Variants in ANO2 observed in about 807,000 individuals in gnomAD.
The protein encoded by ANO2 is anoctamin 2.
In ANO2, 101 loss-of-function variants were observed where a neutral mutation model predicts 124.2. That is an observed-to-expected ratio of 0.81 (90% CI 0.69 to 0.96). ANO2 has a LOEUF of 0.96. ANO2 is among the 40% of genes least tolerant of loss of function. The pLI, the probability that ANO2 is intolerant of heterozygous loss-of-function variation, is 0.00. For missense variants in ANO2, 1,293 were observed against 1,274.5 expected (o/e 1.01, Z -0.22); for synonymous variants, 486 against 482.5 (o/e 1.01, Z -0.09).
At chr12:5,897,161 A>T (rs1939848492) in intron 3 of ANO2, among the ~76,000 whole-genome samples, 2 of 152,126 alleles carry the variant, frequency 1.3e-5, no homozygotes, top group South Asian at 2.1e-4. Flanking sequence ...AATAAATAAA[A>T]AAGAATTCAT....
At chr12:5,796,400 GCACA>G (rs538831811) in intron 10 of ANO2, among the ~76,000 whole-genome samples, 113 of 147,622 alleles carry the variant, frequency 7.7e-4, no homozygotes, top group African/African-American at 2.7e-3. Context: ...ATATTCTCTG[GCACA>G]CACACACACT....
At chr12:5,839,992 C>A (rs1442581861) in intron 4 of ANO2, among the ~76,000 whole-genome samples, 1 of 152,146 alleles carries the variant, frequency 6.6e-6, no homozygotes, top group Non-Finnish European at 1.5e-5. Context: ...CTGGCCAAAC[C>A]CAGCAGCCCA....
rs370195951 is a variant in ANO2 at position 5,907,128 on chromosome 12, C to T, written c.534+13912G>A. 5.9e-5 allele frequency among the ~76,000 whole-genome samples: 9 copies of T among 152,298 alleles called. No homozygotes were observed. The South Asian group carries it at 1.5e-3, about 25-fold the overall frequency. On this transcript the variant is annotated intron_variant, in intron 3 of 24. Coordinates refer to ENST00000682330, the MANE Select transcript of ANO2 (RefSeq NM_001364791.2). ...TTCTCAACAAAGAGTAAGCAGGCCCCGGTCTCGGATCTCCTGCAGCCAACA... is the reference window on the plus strand; with the variant it reads ...TTCTCAACAAAGAGTAAGCAGGCCCTGGTCTCGGATCTCCTGCAGCCAACA...
chr12:5,923,963 T>G (rs1941959815), intron 1 of ANO2, among the ~76,000 whole-genome samples: 1 of 152,184 alleles, frequency 6.6e-6, no homozygotes, highest in African/African-American at 2.4e-5. Flanking sequence ...ACTTGCAGGA[T>G]TGCAGTGAGA....
chr12:5,832,467 C>G lies in ANO2; in HGVS notation c.770G>C (p.Arg257Thr). The change falls in exon 5 of 25, where the codon AGG becomes ACG. Residue 257 changes from arginine to threonine, a missense_variant. By Grantham distance (71) the Arg-to-Thr change is moderately conservative (BLOSUM62 -1). Transcript: ENST00000682330. ...KMKNLSYPFS[R>T]EKMYLYNIQE... ...CAATACTCACAGGTACATCTTCTCC[C>G]TGGAGAATGGGTAGGAGAGGTTTTT... The G allele has an allele frequency of 6.2e-7, 1 of 1,614,002 alleles. No individual in the cohort carries two copies. The highest frequency in any genetic ancestry group is 2.2e-5 in the East Asian group (1 of 44,882).
At chr12:5,618,278 A>T (rs1161827618) in intron 16 of ANO2, among the ~76,000 whole-genome samples, 1 of 152,070 alleles carries the variant, frequency 6.6e-6, no homozygotes, top group Non-Finnish European at 1.5e-5. Context: ...ATAGACAGAG[A>T]GTGGGAGGAA....
At chr12:5,712,546 G>A (rs1283846773) in intron 14 of ANO2, among the ~76,000 whole-genome samples, 4 of 152,198 alleles carry the variant, frequency 2.6e-5, no homozygotes, top group African/African-American at 7.2e-5. Flanking sequence ...CAGAGGGAAC[G>A]TGGGCCTGAT....
intron 14 of ANO2, among the ~76,000 whole-genome samples, chr12:5,671,393 A>G (rs1282478696): frequency 6.6e-6 from 1 of 152,100 alleles, no homozygotes; most frequent in Non-Finnish European, 1.5e-5. Context: ...TGCCGAGACA[A>G]AAAGCTCATT....
Position 5,762,638 on chromosome 12 carries a change from TTAA to T in ANO2, c.1056-11671_1056-11669del, listed in dbSNP as rs759033788. ...AAGGAAGAAAGGATATAGATAAAAC[TTAA>T]TGATGATAGAAAGGTGGGAAGAGAT... On this transcript the variant is annotated intron_variant, in intron 10 of 24. Coordinates refer to ENST00000682330, the MANE Select transcript of ANO2 (RefSeq NM_001364791.2). Among the ~76,000 whole-genome samples, 179 of 151,838 alleles carry T rather than the reference TTAA, an allele frequency of 1.2e-3. 1 individual carries two copies. The highest frequency in any genetic ancestry group is 7.6e-3 in the Middle Eastern group (2 of 262).
chr12:5,847,649 T>C (rs1447733484), intron 4 of ANO2, among the ~76,000 whole-genome samples: 1 of 152,094 alleles, frequency 6.6e-6, no homozygotes, highest in Non-Finnish European at 1.5e-5. Context: ...GGCTACCAAA[T>C]CAGAGTCTCT....
intron 14 of ANO2, among the ~76,000 whole-genome samples, chr12:5,724,900 T>G (rs1275568984): frequency 6.6e-6 from 1 of 152,158 alleles, no homozygotes; most frequent in African/African-American, 2.4e-5. Context: ...TGTTTTAAAG[T>G]CCTTTCAGTG....
At chr12:5,847,321 T>C (rs1954713691) in intron 4 of ANO2, among the ~76,000 whole-genome samples, 1 of 152,180 alleles carries the variant, frequency 6.6e-6, no homozygotes, top group South Asian at 2.1e-4. Flanking sequence ...CTTTCCTAGT[T>C]CTCAGGTCTT....
chr12:5,790,146 T>C (rs980596132), intron 10 of ANO2, among the ~76,000 whole-genome samples: 2 of 152,234 alleles, frequency 1.3e-5, no homozygotes, highest in African/African-American at 4.8e-5. Flanking sequence ...CTAGAGATTT[T>C]GTAGAAGAGA....
intron 10 of ANO2, among the ~76,000 whole-genome samples, chr12:5,768,303 A>T (rs971905303): frequency 6.6e-6 from 1 of 152,102 alleles, no homozygotes; most frequent in African/African-American, 2.4e-5. Flanking sequence ...CCCTCATTGG[A>T]AAGGCTTGTT....
At chr12:5,909,852 T>C (rs1173333412) in intron 3 of ANO2, among the ~76,000 whole-genome samples, 2 of 152,150 alleles carry the variant, frequency 1.3e-5, no homozygotes, top group African/African-American at 4.8e-5. Context: ...CTTTGGGGAA[T>C]ATGTTCAAGG....
At chr12:5,563,847 T>C (rs879876423) in intron 24 of ANO2, among the ~76,000 whole-genome samples, 2 of 152,256 alleles carry the variant, frequency 1.3e-5, no homozygotes, top group Non-Finnish European at 2.9e-5. Flanking sequence ...TAGTAGTTAC[T>C]GCTTCTCCCC....
Position 5,738,824 on chromosome 12 carries a change from G to A in ANO2, c.1434+493C>T, listed in dbSNP as rs973154607. ...GAACCTATCCTTTCCCTTAGCTCAC[G>A]CCTCCCCAACTCCTCAGTTTCACAC... On this transcript the variant is annotated intron_variant, in intron 13 of 24. Coordinates refer to ENST00000682330, the MANE Select transcript of ANO2 (RefSeq NM_001364791.2). 3.3e-5 allele frequency among the ~76,000 whole-genome samples: 5 copies of A among 152,176 alleles called. No homozygotes were observed. The South Asian group carries it at 8.3e-4, about 25-fold the overall frequency.
intron 18 of ANO2, 58 bp from the exon 19 acceptor site, chr12:5,612,814 G>A (rs1944610640): frequency 6.2e-6 from 10 of 1,608,610 alleles, no homozygotes; most frequent in East Asian, 4.5e-5. Flanking sequence ...CTGAGAAGCA[G>A]GGGCGCGAAT....
intron 3 of ANO2, among the ~76,000 whole-genome samples, chr12:5,910,900 T>G (rs1186069640): frequency 2.0e-5 from 3 of 152,160 alleles, no homozygotes; most frequent in Non-Finnish European, 4.4e-5. Flanking sequence ...CAGCTAAACC[T>G]TTCACACTTG....
Sources: gnomAD v4.1 joint callset for allele counts (sites outside exome capture counted in the v4.1 genomes callset) on GRCh38, gnomAD v4.1.1 for gene constraint, MANE v1.5 for transcripts, NCBI Gene and HGNC (gene_info 2026-07-23, HGNC 2026-07-21) for gene names.